The following TMEM71 variants were observed in gnomAD, a reference collection of about 807,000 sequenced individuals.
The protein encoded by TMEM71 is transmembrane protein 71.
In TMEM71, 44 loss-of-function variants were observed where a neutral mutation model predicts 38.0. The observed-to-expected ratio is 1.16, with a 90% CI of 0.91 to 1.49. TMEM71 has a LOEUF of 1.49. Ranked by LOEUF, TMEM71 falls within the 40% of genes most tolerant of loss-of-function variation. The pLI is 0.00. For missense variants in TMEM71, 367 were observed against 348.6 expected (o/e 1.05, Z -0.42); for synonymous variants, 133 against 122.5 (o/e 1.09, Z -0.56).
intron 6 of TMEM71, 56 bp from the exon 7 acceptor site, chr8:132,722,171 T>G (rs1826890954): frequency 7.1e-7 from 1 of 1,409,028 alleles, no homozygotes; most frequent in Non-Finnish European, 1.0e-6. Flanking sequence ...TCAATCATCT[T>G]GGAAGAAAAA....
chr8:132,759,122 C>G (rs550320219), intron 1 of TMEM71, among the ~76,000 whole-genome samples: 2 of 152,180 alleles, frequency 1.3e-5, no homozygotes, highest in African/African-American at 4.8e-5. Context: ...CATTGCCTCA[C>G]TCAGTGCATC....
At chr8:132,763,814 C>T (rs144519405), upstream of TMEM71, among the ~76,000 whole-genome samples, 284 of 152,298 alleles carry the variant, frequency 1.9e-3, no homozygotes, top group South Asian at 6.4e-3. Context: ...TCAGCTCCCA[C>T]GTAAAGCCAA....
At chr8:132,765,851 C>A in the TMEM71 span, among the ~76,000 whole-genome samples, 3 of 151,118 alleles carry the variant, frequency 2.0e-5, no homozygotes, top group East Asian at 5.8e-4. Context: ...TGCAGTGGCA[C>A]GATCTCGGCT....
intron 9 of TMEM71, 149 bp downstream of exon 9, chr8:132,713,846 A>C (rs1826362683): frequency 1.4e-6 from 1 of 707,022 alleles, no homozygotes; most frequent in Non-Finnish European, 2.4e-6. Flanking sequence ...AATACTATTA[A>C]ATTTTAGCAG....
At chr8:132,725,866 C>T (rs1827116370) in intron 6 of TMEM71, among the ~76,000 whole-genome samples, 1 of 152,092 alleles carries the variant, frequency 6.6e-6, no homozygotes, top group African/African-American at 2.4e-5. Context: ...AGAGAGATTC[C>T]AGACCCAGCA....
intron 5 of TMEM71, 43 bp downstream of exon 5, chr8:132,746,899 T>C (rs749920020): frequency 6.6e-7 from 1 of 1,510,412 alleles, no homozygotes; most frequent in South Asian, 1.4e-5. Flanking sequence ...CACTGCCCAC[T>C]TGGAGATAAA....
intron 4 of TMEM71, among the ~76,000 whole-genome samples, chr8:132,749,699 T>C (rs1158438535): frequency 6.6e-6 from 1 of 152,190 alleles, no homozygotes; most frequent in Admixed American, 6.5e-5. Context: ...AGAACACTCA[T>C]GCTGGACAAT....
upstream of TMEM71, among the ~76,000 whole-genome samples, chr8:132,763,698 C>G (rs1006741555): frequency 2.0e-5 from 3 of 152,224 alleles, no homozygotes; most frequent in Admixed American, 6.5e-5. Flanking sequence ...CACATAATAT[C>G]TCCCAAGACC....
intron 3 of TMEM71, among the ~76,000 whole-genome samples, chr8:132,753,583 C>T (rs899905174): frequency 2.0e-5 from 3 of 152,086 alleles, no homozygotes; most frequent in African/African-American, 7.2e-5. Context: ...AAGGACCCCA[C>T]ACTTACTAAG....
chr8:132,721,891 A>G lies in TMEM71; in HGVS notation c.752+149T>C, dbSNP rs187466734. On this transcript the variant is annotated intron_variant, in intron 7 of 9. Transcript: ENST00000677595. Reference sequence around the variant, plus strand: ...GGATAGAGGTGGGCAATGAGAGATAAAGGGAAACTTATCATGGACAGACAC... The same window carrying G: ...GGATAGAGGTGGGCAATGAGAGATAGAGGGAAACTTATCATGGACAGACAC... 4.6e-5 allele frequency: 34 copies of G among 739,866 alleles called. No homozygotes were observed. The East Asian group carries it at 8.8e-4, about 19-fold the overall frequency. The allele number at this position is 739,866 out of a possible 1,614,324, so 45.8% of individuals were successfully genotyped here. A position where few individuals can be genotyped will look rare whatever the true frequency, so the allele number is the denominator to read the frequency against.
chr8:132,728,822 C>T (rs1259414202), intron 5 of TMEM71, among the ~76,000 whole-genome samples: 1 of 152,230 alleles, frequency 6.6e-6, no homozygotes, highest in East Asian at 1.9e-4. Flanking sequence ...ATTAGAACAA[C>T]ATCTCTGTCC....
At chr8:132,714,520 A>T (rs904091276) in intron 7 of TMEM71, among the ~76,000 whole-genome samples, 2 of 152,126 alleles carry the variant, frequency 1.3e-5, no homozygotes, top group Non-Finnish European at 2.9e-5. Flanking sequence ...AAAAAAATGA[A>T]CCTCCACATG....
chr8:132,721,700 C>A (rs906797039), intron 7 of TMEM71, among the ~76,000 whole-genome samples: 1 of 151,952 alleles, frequency 6.6e-6, no homozygotes, highest in South Asian at 2.1e-4. Context: ...GCATGAGCCA[C>A]CACGCCTGGC....
chr8:132,767,213 G>A, the TMEM71 span, among the ~76,000 whole-genome samples: 2 of 151,972 alleles, frequency 1.3e-5, no homozygotes, highest in South Asian at 2.1e-4. Context: ...TACTCTCCTC[G>A]GCCTCCTCTG....
At chr8:132,737,893 T>C (rs1169998487) in intron 5 of TMEM71, among the ~76,000 whole-genome samples, 1 of 152,238 alleles carries the variant, frequency 6.6e-6, no homozygotes, top group Admixed American at 6.5e-5. Flanking sequence ...CTTCTCAGAT[T>C]GGCTTATGAA....
chr8:132,726,428 T>C (rs1171203449), intron 6 of TMEM71, among the ~76,000 whole-genome samples: 2 of 152,252 alleles, frequency 1.3e-5, no homozygotes, highest in Non-Finnish European at 2.9e-5. Context: ...TTAACTTCAA[T>C]GTTATGTAAC....
intron 7 of TMEM71, 111 bp downstream of exon 7, chr8:132,721,929 C>T: frequency 1.1e-6 from 1 of 930,822 alleles, no homozygotes; most frequent in Non-Finnish European, 1.8e-6. Context: ...GAACGAATCT[C>T]AACCACAGAG....
At chr8:132,730,174 T>C (rs879487345) in intron 5 of TMEM71, among the ~76,000 whole-genome samples, 1 of 152,146 alleles carries the variant, frequency 6.6e-6, no homozygotes. Context: ...GTCAGACTAG[T>C]CTTGAACTCC....
In TMEM71 at chr8:132,710,862, C is replaced by T; in HGVS notation, c.*105G>A. 9.4e-7 allele frequency: 1 copy of T among 1,061,658 alleles called. No individual in the cohort carries two copies. Among genetic ancestry groups the T allele is most frequent in the Non-Finnish European group, 1.5e-6 (1 of 686,266 alleles). The allele number at this position is 1,061,658 out of a possible 1,614,324, so 65.8% of individuals were successfully genotyped here. ...AAAATGGCTTTTTCTCCATTACTCG[C>T]TTACTCCCTTCCAATAAAACACTTG... On this transcript the variant is annotated 3_prime_UTR_variant, in exon 10 of 10. Coordinates refer to ENST00000677595, the MANE Select transcript of TMEM71 (RefSeq NM_001382403.1).
Sources: allele counts gnomAD v4.1 joint callset (sites outside exome capture counted in the v4.1 genomes callset), GRCh38; gene constraint gnomAD v4.1.1; transcripts MANE v1.5; gene names NCBI Gene and HGNC (gene_info 2026-07-23, HGNC 2026-07-21).